Variants in TENM2 observed in about 807,000 individuals in gnomAD.
TENM2 encodes the protein teneurin-2.
A neutral mutation model predicts 245.2 loss-of-function variants in TENM2; 52 were observed. That is an observed-to-expected ratio of 0.21 (90% CI 0.17 to 0.27). TENM2 has a LOEUF of 0.27. TENM2 is among the 10% of genes least tolerant of loss of function. The pLI is 1.00. For synonymous variants in TENM2, 1,363 were observed against 1,438.9 expected (o/e 0.95, Z 1.19); for missense variants, 3,046 against 3,666.8 (o/e 0.83, Z 4.37).
At chr5:168,122,411 C>G (rs902628691) in intron 10 of TENM2, among the ~76,000 whole-genome samples, 1 of 152,106 alleles carries the variant, frequency 6.6e-6, no homozygotes, top group Non-Finnish European at 1.5e-5. Context: ...CTCCTGACCT[C>G]GTGATCCACC....
intron 2 of TENM2, among the ~76,000 whole-genome samples, chr5:167,733,720 C>T (rs1760598085): frequency 6.6e-6 from 1 of 152,182 alleles, no homozygotes; most frequent in Admixed American, 6.5e-5. Flanking sequence ...CCCTTAGGTT[C>T]TTTGCTTAAG....
intron 4 of TENM2, among the ~76,000 whole-genome samples, chr5:167,971,334 G>T (rs965338367): frequency 2.6e-5 from 4 of 151,286 alleles, no homozygotes; most frequent in African/African-American, 9.7e-5. Context: ...CAGGGAGGTC[G>T]GCCCTTGATT....
At chr5:167,503,308 C>G (rs1769333029) in intron 2 of TENM2, among the ~76,000 whole-genome samples, 1 of 152,096 alleles carries the variant, frequency 6.6e-6, no homozygotes, top group Non-Finnish European at 1.5e-5. Flanking sequence ...TGTATATACA[C>G]TCTCCTTTTT....
At chr5:168,116,719 G>A (rs1342931105) in intron 9 of TENM2, among the ~76,000 whole-genome samples, 1 of 152,218 alleles carries the variant, frequency 6.6e-6, no homozygotes, top group Non-Finnish European at 1.5e-5. Context: ...ACAGAGGAAA[G>A]TTAATTACCA....
At chr5:167,358,339 T>A (rs1235049825) in intron 1 of TENM2, among the ~76,000 whole-genome samples, 1 of 152,194 alleles carries the variant, frequency 6.6e-6, no homozygotes, top group Non-Finnish European at 1.5e-5. Flanking sequence ...TTCTCAGTTC[T>A]CTTAATGACC....
chr5:168,189,464 T>C (rs1434976887), intron 13 of TENM2, among the ~76,000 whole-genome samples: 2 of 152,046 alleles, frequency 1.3e-5, no homozygotes, highest in South Asian at 2.1e-4. Flanking sequence ...GTTGAGTAAA[T>C]AGGAATCAGC....
the TENM2 span, among the ~76,000 whole-genome samples, chr5:167,034,629 C>CAAAAAAAAA: frequency 1.4e-5 from 1 of 72,258 alleles, no homozygotes; most frequent in African/African-American, 6.2e-5. Flanking sequence ...GACTCCGTCT[C>CAAAAAAAAA]AAAAAAAAAA....
intron 2 of TENM2, among the ~76,000 whole-genome samples, chr5:167,713,570 A>C (rs576267558): frequency 4.4e-4 from 67 of 152,026 alleles, no homozygotes; most frequent in Non-Finnish European, 8.8e-4. Flanking sequence ...GCACACCCCC[A>C]CCACCACATT....
At chr5:168,060,425 C>G (rs1789940389) in intron 6 of TENM2, among the ~76,000 whole-genome samples, 1 of 151,912 alleles carries the variant, frequency 6.6e-6, no homozygotes, top group African/African-American at 2.4e-5. Flanking sequence ...AAAAAACAAA[C>G]AAAACAAAAC....
At chr5:167,041,909 G>A in the TENM2 span, among the ~76,000 whole-genome samples, 2 of 152,136 alleles carry the variant, frequency 1.3e-5, no homozygotes, top group South Asian at 2.1e-4. Context: ...TTCCCCTTAT[G>A]TGTGTGTGAG....
At chr5:168,081,443 A>G (rs1791988081) in intron 7 of TENM2, among the ~76,000 whole-genome samples, 1 of 152,056 alleles carries the variant, frequency 6.6e-6, no homozygotes, top group Non-Finnish European at 1.5e-5. Flanking sequence ...TAAGTTTAAT[A>G]TTGTTATGTG....
At chr5:167,050,792 C>T in the TENM2 span, among the ~76,000 whole-genome samples, 1 of 152,052 alleles carries the variant, frequency 6.6e-6, no homozygotes, top group South Asian at 2.1e-4. Context: ...TTGCCCAGTT[C>T]CAGGGTAAAT....
chr5:167,443,506 C>T (rs1021704334), intron 2 of TENM2, among the ~76,000 whole-genome samples: 10 of 152,052 alleles, frequency 6.6e-5, no homozygotes, highest in Admixed American at 1.3e-4. Flanking sequence ...TGGAACCTGC[C>T]GTAGACTTCA....
intron 3 of TENM2, among the ~76,000 whole-genome samples, chr5:167,902,651 T>C (rs1411242956): frequency 2.6e-5 from 4 of 152,206 alleles, no homozygotes; most frequent in African/African-American, 7.2e-5. Flanking sequence ...TAAAGTGTTA[T>C]GGCAGCCGAC....
At chr5:167,821,618 C>T (rs1018855081) in intron 2 of TENM2, among the ~76,000 whole-genome samples, 1 of 152,150 alleles carries the variant, frequency 6.6e-6, no homozygotes, top group Non-Finnish European at 1.5e-5. Flanking sequence ...ATATTTTCCT[C>T]TTATTTGGCT....
the TENM2 span, among the ~76,000 whole-genome samples, chr5:167,261,804 T>C: frequency 1.3e-5 from 2 of 152,196 alleles, no homozygotes; most frequent in African/African-American, 4.8e-5. Flanking sequence ...TACTTTTTAT[T>C]ATGTTACCCT....
chr5:167,960,523 A>G (rs1241823482), intron 4 of TENM2, among the ~76,000 whole-genome samples: 1 of 151,878 alleles, frequency 6.6e-6, no homozygotes, highest in Non-Finnish European at 1.5e-5. Context: ...CTCAAGCCTC[A>G]GTAATAGTGG....
the TENM2 span, among the ~76,000 whole-genome samples, chr5:167,149,263 G>A: frequency 1.3e-5 from 2 of 151,212 alleles, no homozygotes; most frequent in African/African-American, 4.9e-5. Flanking sequence ...GGCCTGTCCT[G>A]TTCACTTATG....
chr5:167,148,472 T>G, the TENM2 span, among the ~76,000 whole-genome samples: 2 of 152,360 alleles, frequency 1.3e-5, no homozygotes, highest in East Asian at 3.9e-4. Flanking sequence ...TCTTTATAAA[T>G]GCCATTGGGC....
Sources: gnomAD v4.1 joint callset for allele counts (sites outside exome capture counted in the v4.1 genomes callset) on GRCh38, gnomAD v4.1.1 for gene constraint, MANE v1.5 for transcripts, NCBI Gene and HGNC (gene_info 2026-07-23, HGNC 2026-07-21) for gene names.